Variants in PCCA observed in about 807,000 individuals in gnomAD.
PCCA encodes propionyl-CoA carboxylase subunit alpha, also known as propionyl-CoA carboxylase alpha chain, mitochondrial.
In PCCA, 74 loss-of-function variants were observed where a neutral mutation model predicts 101.3. That is an observed-to-expected ratio of 0.73 (90% confidence interval 0.61 to 0.89). The LOEUF (loss-of-function observed/expected upper bound fraction) is 0.89, where lower values mean the gene tolerates loss of function less well. Ranked by LOEUF, PCCA falls within the 40% of genes least tolerant of loss-of-function variation. PCCA has a pLI of 0.00. For missense variants in PCCA, 891 were observed against 907.0 expected, an observed-to-expected ratio of 0.98 and a Z score of 0.23; for synonymous variants, 294 against 313.6, an observed-to-expected ratio of 0.94 and a Z score of 0.66.
At chr13:100,133,795 C>T (rs531523871) in intron 4 of PCCA, among the ~76,000 whole-genome samples, 3 of 152,154 alleles carry the variant, frequency 2.0e-5, no homozygotes, top group Non-Finnish European at 4.4e-5. Context: ...GGTGGGCACC[C>T]TCTAATCAGC....
At chr13:100,112,581 T>A (rs940320761) in intron 4 of PCCA, among the ~76,000 whole-genome samples, 1 of 150,672 alleles carries the variant, frequency 6.6e-6, no homozygotes, top group African/African-American at 2.4e-5. Flanking sequence ...CAGGCCTTTT[T>A]TTTTTTTTTT....
chr13:100,241,159 C>A (rs2061108989), intron 8 of PCCA, among the ~76,000 whole-genome samples: 8 of 152,124 alleles, frequency 5.3e-5, no homozygotes, highest in Admixed American at 5.2e-4. Context: ...TGTGTATTTA[C>A]AAGGTTGTGT....
intron 18 of PCCA, among the ~76,000 whole-genome samples, chr13:100,358,477 G>GA (rs1425615377): frequency 6.6e-6 from 1 of 152,110 alleles, no homozygotes; most frequent in Non-Finnish European, 1.5e-5. Context: ...GAAAATGAGG[G>GA]AAAAATGGGA....
At chr13:100,423,941 C>T (rs1386331286) in intron 19 of PCCA, among the ~76,000 whole-genome samples, 5 of 152,190 alleles carry the variant, frequency 3.3e-5, no homozygotes, top group Non-Finnish European at 5.9e-5. Flanking sequence ...TAACATCTCT[C>T]GCTGTTGAGG....
At position 100,292,733 on chromosome 13, in the gene PCCA, G is replaced by T. The variant is rs562760522; in HGVS notation, c.1066-8727G>T. The stretch of plus-strand genomic sequence containing the variant: ...TAACTGCAAAATTATTGTTACATGT[G>T]AACAAACATATTTGAAATATTAACC... On this transcript the variant is annotated intron_variant, in intron 12 of 23. Coordinates refer to ENST00000376285, the MANE Select transcript of PCCA (RefSeq NM_000282.4). Among the ~76,000 whole-genome samples the T allele has an allele frequency of 3.3e-5, 5 of 152,186 alleles. No homozygotes were observed. In the East Asian group the frequency reaches 7.7e-4, roughly 24 times the overall value.
chr13:100,264,508 G>A (rs145740752), intron 10 of PCCA, among the ~76,000 whole-genome samples: 95 of 152,156 alleles, frequency 6.2e-4, no homozygotes, highest in Admixed American at 7.9e-4. Context: ...AGTCTGTCAC[G>A]TCTTCTTTTT....
intron 22 of PCCA, among the ~76,000 whole-genome samples, chr13:100,515,971 G>A (rs1444553430): frequency 1.3e-5 from 2 of 152,234 alleles, no homozygotes; most frequent in Non-Finnish European, 2.9e-5. Flanking sequence ...ATGTCTAATT[G>A]GGAAGAAGAG....
intron 19 of PCCA, among the ~76,000 whole-genome samples, chr13:100,416,243 C>T (rs1007585762): frequency 1.3e-4 from 20 of 151,276 alleles, no homozygotes; most frequent in Admixed American, 6.6e-5. Flanking sequence ...GGCTGGAGTG[C>T]AGTGGCATGA....
chr13:100,102,114 GTATCTCTC>G lies in PCCA; in HGVS notation c.106-761_106-754del, dbSNP rs1354729778. Among the ~76,000 whole-genome samples, 41 of 151,788 alleles carry G rather than the reference GTATCTCTC, an allele frequency of 2.7e-4. No individual in the cohort carries two copies. In the South Asian group the frequency reaches 8.6e-3, roughly 32 times the overall value. On this transcript the variant is annotated intron_variant, in intron 1 of 23. Coordinates refer to ENST00000376285, the MANE Select transcript of PCCA (RefSeq NM_000282.4). ...TCTCTCTGTCTCTGTCTGTCTCTCT[GTATCTCTC>G]TATCTCTTTTCTTTTTCTCCTTTCT...
chr13:100,182,214 A>T (rs2056863051), intron 6 of PCCA, among the ~76,000 whole-genome samples: 1 of 146,478 alleles, frequency 6.8e-6, no homozygotes, highest in South Asian at 2.1e-4. Flanking sequence ...CTCCTGCCTC[A>T]GCCTCCTGAG....
At chr13:100,257,821 A>T in intron 9 of PCCA, 148 bp downstream of exon 9, 2 of 677,354 alleles carry the variant, frequency 3.0e-6, no homozygotes, top group Non-Finnish European at 5.4e-6. Flanking sequence ...AAAGATTGAA[A>T]TTATGTGGAA....
intron 6 of PCCA, among the ~76,000 whole-genome samples, chr13:100,176,532 T>G (rs774759908): frequency 1.3e-4 from 20 of 152,246 alleles, no homozygotes; most frequent in African/African-American, 2.2e-4. Flanking sequence ...TCTGTCTACT[T>G]ATTTATCTTT....
intron 21 of PCCA, among the ~76,000 whole-genome samples, chr13:100,469,548 G>C (rs1350221309): frequency 2.0e-5 from 3 of 152,052 alleles, no homozygotes; most frequent in African/African-American, 7.2e-5. Flanking sequence ...GGAGGCCGAG[G>C]CGGGCGGATC....
chr13:100,450,844 C>A (rs1229846572), intron 21 of PCCA, among the ~76,000 whole-genome samples: 1 of 152,118 alleles, frequency 6.6e-6, no homozygotes, highest in Admixed American at 6.5e-5. Context: ...TAAGGTAATA[C>A]ATGCTTATTG....
chr13:100,194,562 C>T (rs1193347817), intron 6 of PCCA, among the ~76,000 whole-genome samples: 4 of 152,060 alleles, frequency 2.6e-5, no homozygotes, highest in South Asian at 2.1e-4. Context: ...GGATTACAGG[C>T]GTGTGCCACC....
chr13:100,521,353 T>G (rs118033890), intron 22 of PCCA, among the ~76,000 whole-genome samples: 10,617 of 152,260 alleles, frequency 0.07, 481 homozygotes, highest in Middle Eastern at 0.11. Context: ...GGGTGGCCCC[T>G]GGGTTCCCGC....
At chr13:100,505,449 G>A (rs992872352) in intron 21 of PCCA, among the ~76,000 whole-genome samples, 5 of 152,198 alleles carry the variant, frequency 3.3e-5, no homozygotes, top group African/African-American at 1.2e-4. Flanking sequence ...TGATTTTAGA[G>A]CCAGATGTGA....
intron 6 of PCCA, among the ~76,000 whole-genome samples, chr13:100,182,024 T>A (rs1401460116): frequency 1.3e-5 from 2 of 151,278 alleles, no homozygotes; most frequent in Admixed American, 1.3e-4. Flanking sequence ...TCTTGATTCC[T>A]TCTATAACTG....
intron 21 of PCCA, among the ~76,000 whole-genome samples, chr13:100,502,925 C>T (rs985778933): frequency 6.6e-6 from 1 of 152,142 alleles, no homozygotes; most frequent in Non-Finnish European, 1.5e-5. Context: ...TTCAGTGCAG[C>T]GTTGGGAAAG....
Sources: allele counts gnomAD v4.1 joint callset (sites outside exome capture counted in the v4.1 genomes callset), GRCh38; gene constraint gnomAD v4.1.1; transcripts MANE v1.5; gene names NCBI Gene and HGNC (gene_info 2026-07-23, HGNC 2026-07-21).